Variants in PRICKLE2 observed in about 807,000 individuals in gnomAD.
The protein encoded by PRICKLE2 is prickle-like protein 2.
A neutral mutation model predicts 81.4 loss-of-function variants in PRICKLE2; 21 were observed. That is an observed-to-expected ratio of 0.26 (90% CI 0.18 to 0.37). The LOEUF (loss-of-function observed/expected upper bound fraction) is 0.37, where lower values mean the gene tolerates loss of function less well. Ranked by LOEUF, PRICKLE2 falls within the 10% of genes least tolerant of loss-of-function variation. The probability of loss-of-function intolerance (pLI) is 1.00; values close to 1 mark genes in which losing one functional copy is unlikely to be tolerated. For synonymous variants in PRICKLE2, 456 were observed against 421.5 expected (o/e 1.08, Z -1.00); for missense variants, 940 against 1,109.0 (o/e 0.85, Z 2.16).
chr3:64,249,936 G>A (rs2079421467), intron 2 of PRICKLE2, among the ~76,000 whole-genome samples: 1 of 152,210 alleles, frequency 6.6e-6, no homozygotes, highest in African/African-American at 2.4e-5. Flanking sequence ...AACCCTCCCA[G>A]AGACTTGGTG....
chr3:64,261,547 T>A (rs2079614972), intron 2 of PRICKLE2, among the ~76,000 whole-genome samples: 1 of 152,072 alleles, frequency 6.6e-6, no homozygotes, highest in African/African-American at 2.4e-5. Context: ...ATGTGGGCTG[T>A]GGAGTGTAGT....
chr3:64,137,618 A>G (rs1377551384), intron 7 of PRICKLE2, among the ~76,000 whole-genome samples: 1 of 152,180 alleles, frequency 6.6e-6, no homozygotes, highest in Non-Finnish European at 1.5e-5. Context: ...TAGCAGGGGT[A>G]TATCGCCTGC....
At chr3:64,246,018 G>A (rs990896764) in intron 2 of PRICKLE2, among the ~76,000 whole-genome samples, 3 of 152,178 alleles carry the variant, frequency 2.0e-5, no homozygotes, top group Non-Finnish European at 2.9e-5. Context: ...GCCAAGGCAG[G>A]TGGATCACTT....
chr3:64,184,083 C>T (rs2078180289), intron 2 of PRICKLE2, among the ~76,000 whole-genome samples: 2 of 152,158 alleles, frequency 1.3e-5, no homozygotes, highest in Non-Finnish European at 2.9e-5. Flanking sequence ...TTAATTCTTG[C>T]CCCCAACATC....
chr3:64,260,664 A>G (rs1289497985), intron 2 of PRICKLE2, among the ~76,000 whole-genome samples: 1 of 152,196 alleles, frequency 6.6e-6, no homozygotes, highest in African/African-American at 2.4e-5. Flanking sequence ...TTCCCTGCCA[A>G]TATCTGTTGA....
At chr3:64,225,554 G>T, upstream of PRICKLE2, 1 of 580,512 alleles carries the variant, frequency 1.7e-6, no homozygotes, top group Non-Finnish European at 2.2e-6. Context: ...CCAGTGCTGA[G>T]ATTTATTTAC....
intron 2 of PRICKLE2, among the ~76,000 whole-genome samples, chr3:64,250,073 C>A (rs78699932): frequency 1.8e-4 from 27 of 152,266 alleles, no homozygotes; most frequent in African/African-American, 6.3e-4. Context: ...ATCACCAAAG[C>A]AAGCACTGGT....
intron 6 of PRICKLE2, among the ~76,000 whole-genome samples, chr3:64,149,882 A>AT (rs200290330): frequency 1.7e-4 from 24 of 144,086 alleles, no homozygotes; most frequent in Non-Finnish European, 1.5e-4. Context: ...CTAAGAGGGG[A>AT]TTTTTTTTTA....
chr3:64,163,315 A>T (rs2077765044), intron 2 of PRICKLE2, 186 bp from the exon 3 acceptor site: 1 of 639,014 alleles, frequency 1.6e-6, no homozygotes. Context: ...AGCAAGAGTC[A>T]GGCAAATCAT....
At chr3:64,117,294 C>A (rs965565433) in intron 7 of PRICKLE2, among the ~76,000 whole-genome samples, 1 of 152,146 alleles carries the variant, frequency 6.6e-6, no homozygotes, top group African/African-American at 2.4e-5. Flanking sequence ...CAGCATAAGA[C>A]AAGGATGCCC....
intron 2 of PRICKLE2, among the ~76,000 whole-genome samples, chr3:64,170,622 G>C (rs2077912292): frequency 6.6e-6 from 1 of 151,888 alleles, no homozygotes; most frequent in African/African-American, 2.4e-5. Flanking sequence ...CACTTTGGGA[G>C]GCTAAGGGAG....
intron 2 of PRICKLE2, among the ~76,000 whole-genome samples, chr3:64,169,479 G>A (rs1432105199): frequency 1.3e-5 from 2 of 152,164 alleles, no homozygotes; most frequent in Non-Finnish European, 2.9e-5. Flanking sequence ...TGATACAGCA[G>A]TGGTTTTCAA....
At chr3:64,204,779 A>C (rs1269086241) in intron 1 of PRICKLE2, among the ~76,000 whole-genome samples, 1 of 152,192 alleles carries the variant, frequency 6.6e-6, no homozygotes, top group Admixed American at 6.5e-5. Flanking sequence ...AAGAATTTTC[A>C]ACCTTTGAGT....
intron 7 of PRICKLE2, among the ~76,000 whole-genome samples, chr3:64,136,954 C>A (rs2106997082): frequency 6.6e-6 from 1 of 152,252 alleles, no homozygotes; most frequent in African/African-American, 2.4e-5. Flanking sequence ...GTTACAAATG[C>A]CACACAGATA....
chr3:64,163,503 C>T (rs961145835), intron 2 of PRICKLE2: 2 of 328,832 alleles, frequency 6.1e-6, no homozygotes, highest in African/African-American at 4.3e-5. Flanking sequence ...GACGTGCCTC[C>T]CTAGCCAAAG....
At position 64,099,375 on chromosome 3, in the gene PRICKLE2, C is replaced by T. The variant is rs752509613; in HGVS notation, c.2211G>A (p.Gly737=). The T allele has an allele frequency of 1.6e-5, 25 of 1,609,718 alleles. No individual in the cohort carries two copies. The highest frequency in any genetic ancestry group is 4.4e-5 in the South Asian group (4 of 90,996). Residue 737 remains glycine (G), a synonymous_variant, in exon 8 of 8, where the codon GGG becomes GGA. Coordinates refer to ENST00000638394, the MANE Select transcript of PRICKLE2 (RefSeq NM_198859.4). This position sits in a 1 kb window ranked among gnomAD's most constrained non-coding sequence, Gnocchi z 4.3. ...CGTACAGGTCCCTCCGGGACCCATG[C>T]CCCATGCTCTCCTGGAAGCTCCGCT... ...MRQRSFQESM[G]HGSRRDLYGQ...
At chr3:64,165,652 C>T (rs546707718) in intron 2 of PRICKLE2, among the ~76,000 whole-genome samples, 5 of 152,068 alleles carry the variant, frequency 3.3e-5, no homozygotes, top group South Asian at 2.1e-4. Context: ...GAACTACCAG[C>T]GCATGCCACC....
intron 2 of PRICKLE2, among the ~76,000 whole-genome samples, chr3:64,235,789 G>T (rs540586404): frequency 6.6e-6 from 1 of 152,168 alleles, no homozygotes; most frequent in East Asian, 1.9e-4. Flanking sequence ...CTTTGCAAGG[G>T]TAGGGTGTTG....
At position 64,097,278 on chromosome 3, in the gene PRICKLE2, C is replaced by G. The variant is rs1339023509; in HGVS notation, c.*1773G>C. Reference sequence around the variant, plus strand: ...CTTTACAGCCTTCCTTTCCTCAGACCCATCTGGGACGGGGTCTGAAATGCC... The same window carrying G: ...CTTTACAGCCTTCCTTTCCTCAGACGCATCTGGGACGGGGTCTGAAATGCC... On this transcript the variant is annotated 3_prime_UTR_variant, in exon 8 of 8. Coordinates refer to ENST00000638394, the MANE Select transcript of PRICKLE2 (RefSeq NM_198859.4). 2.0e-5 allele frequency: 3 copies of G among 152,528 alleles called. No homozygotes were observed. The highest frequency in any genetic ancestry group is 7.2e-5 in the African/African-American group (3 of 41,412). 9.4% of individuals were successfully genotyped at this position (152,528 alleles called of 1,614,324 possible). A position where few individuals can be genotyped will look rare whatever the true frequency, so the allele number is the denominator to read the frequency against.
Sources: gnomAD v4.1 joint callset for allele counts (sites outside exome capture counted in the v4.1 genomes callset) on GRCh38, gnomAD v4.1.1 for gene constraint, Gnocchi (gnomAD v3.1) non-coding constraint, MANE v1.5 for transcripts, NCBI Gene and HGNC (gene_info 2026-07-23, HGNC 2026-07-21) for gene names.